CCR3: variants seen among roughly 807,000 people sequenced by gnomAD.
The protein encoded by CCR3 is C-C chemokine receptor type 3.
For synonymous variants in CCR3, 203 were observed against 179.2 expected (o/e 1.13, Z -1.06); for missense variants, 419 against 437.5 (o/e 0.96, Z 0.38).
chr3:46,220,748 A>G lies in CCR3; in HGVS notation c.-68+9841A>G, dbSNP rs116193679. Among the ~76,000 whole-genome samples the G allele has an allele frequency of 7.2e-3, 1,096 of 152,354 alleles. 11 individuals are homozygous for G. The highest frequency in any genetic ancestry group is 0.024 in the African/African-American group (1,001 of 41,582). On this transcript the variant is annotated intron_variant, in intron 2 of 3. Coordinates refer to the CCR3 transcript ENST00000357422. Reference sequence around the variant, plus strand: ...ACCATTATTCCAAGTGAAGTAACTCAGGAGTGGAAAACCAAACATCCTATG... The same window carrying G: ...ACCATTATTCCAAGTGAAGTAACTCGGGAGTGGAAAACCAAACATCCTATG...
chr3:46,264,275 G>A (rs1397167561), intron 1 of CCR3: 2 of 762,228 alleles, frequency 2.6e-6, no homozygotes, highest in Non-Finnish European at 2.2e-6. Flanking sequence ...ATCACCAGGG[G>A]CAAGAAAAGG....
chr3:46,245,527 C>A (rs563526688), intron 1 of CCR3, among the ~76,000 whole-genome samples: 1 of 151,582 alleles, frequency 6.6e-6, no homozygotes, highest in African/African-American at 2.4e-5. Context: ...CAAAACAAAA[C>A]CTAAAATGAA....
chr3:46,219,323 C>T (rs1036336645), intron 2 of CCR3, among the ~76,000 whole-genome samples: 7 of 152,000 alleles, frequency 4.6e-5, no homozygotes, highest in South Asian at 2.1e-4. Flanking sequence ...CACTGCTGAA[C>T]GAAATCATAG....
At position 46,266,284 on chromosome 3, in the gene CCR3, A is replaced by C; in HGVS notation, c.*58A>C. 9.0e-7 allele frequency: 1 copy of C among 1,109,176 alleles called. No individual in the cohort carries two copies. The highest frequency in any genetic ancestry group is 1.3e-6 in the Non-Finnish European group (1 of 752,098). 68.7% of individuals were successfully genotyped at this position (1,109,176 alleles called of 1,614,324 possible). On this transcript the variant is annotated 3_prime_UTR_variant, in exon 2 of 2. Transcript: ENST00000395940. ...ACCAAGGAGATGAAGCAAACACATT[A>C]AGCCTTCCACACTCACCTCTAAAAC...
chr3:46,266,014 A>G lies in CCR3; in HGVS notation c.856A>G (p.Thr286Ala). 4 of 1,614,054 alleles carry G rather than the reference A, an allele frequency of 2.5e-6. No homozygotes were observed. The highest frequency in any genetic ancestry group is 3.4e-6 in the Non-Finnish European group (4 of 1,179,996). Residue 286 changes from threonine to alanine, a missense_variant, in exon 2 of 2, where the codon ACA becomes GCA. Transcript: ENST00000395940. ...SKHLDLVMLVTEVIAYSHCCM... is the reference protein window; with the variant it reads ...SKHLDLVMLVAEVIAYSHCCM... ...GCATCTGGACCTGGTCATGCTGGTG[A>G]CAGAGGTGATCGCCTACTCCCACTG...
intron 1 of CCR3, among the ~76,000 whole-genome samples, chr3:46,254,176 A>G (rs1281041894): frequency 6.6e-6 from 1 of 152,234 alleles, no homozygotes; most frequent in Non-Finnish European, 1.5e-5. Context: ...GTCCTGATTT[A>G]TGTACCAAAA....
intron 1 of CCR3, among the ~76,000 whole-genome samples, chr3:46,245,956 G>A (rs192567220): frequency 2.0e-5 from 3 of 152,204 alleles, no homozygotes; most frequent in Admixed American, 1.3e-4. Context: ...TCATTGATGG[G>A]CATTTAGTTT....
At chr3:46,254,989 T>C (rs905164156) in intron 1 of CCR3, among the ~76,000 whole-genome samples, 7 of 152,288 alleles carry the variant, frequency 4.6e-5, no homozygotes, top group South Asian at 4.1e-4. Flanking sequence ...TTGTTTTCCA[T>C]AGGGGTTGTA....
chr3:46,257,686 C>T (rs1700454625), intron 1 of CCR3, among the ~76,000 whole-genome samples: 1 of 152,026 alleles, frequency 6.6e-6, no homozygotes, highest in African/African-American at 2.4e-5. Context: ...TCTGGGTTCT[C>T]CAGAGACAGA....
intron 2 of CCR3, among the ~76,000 whole-genome samples, chr3:46,226,959 C>G (rs1699906751): frequency 6.6e-6 from 1 of 151,986 alleles, no homozygotes; most frequent in Non-Finnish European, 1.5e-5. Context: ...GCAACCTCTG[C>G]TGCCCAGGTT....
intron 2 of CCR3, among the ~76,000 whole-genome samples, chr3:46,224,734 C>CA (rs901561258): frequency 0.18 from 8,189 of 46,774 alleles, 672 homozygotes; most frequent in Non-Finnish European, 0.21. Flanking sequence ...AAGACTCTGT[C>CA]AAAAAAAAAA....
chr3:46,235,877 A>G (rs1040889421), intron 2 of CCR3, among the ~76,000 whole-genome samples: 9 of 152,140 alleles, frequency 5.9e-5, no homozygotes, highest in African/African-American at 1.9e-4. Flanking sequence ...ACGCACATCA[A>G]ATACTCTTCC....
At chr3:46,232,583 C>A (rs1699977577) in intron 2 of CCR3, among the ~76,000 whole-genome samples, 2 of 152,178 alleles carry the variant, frequency 1.3e-5, no homozygotes, top group Admixed American at 1.3e-4. Context: ...TCAGAGCCTG[C>A]AGAGGGGTCT....
chr3:46,211,045 TA>T (rs1282423459), intron 2 of CCR3: 2 of 152,134 alleles, frequency 1.3e-5, no homozygotes. Context: ...TTTAATATGT[TA>T]AAAAATCTGA....
At chr3:46,251,681 G>A (rs1052293081) in intron 1 of CCR3, among the ~76,000 whole-genome samples, 1 of 152,158 alleles carries the variant, frequency 6.6e-6, no homozygotes, top group Non-Finnish European at 1.5e-5. Flanking sequence ...TCACCTGAGT[G>A]CAGGCGGGCT....
At position 46,266,186 on chromosome 3, in the gene CCR3, C is replaced by T. The variant is rs777044791; in HGVS notation, c.1028C>T (p.Ser343Phe). ...SEKLERTSSV[S>F]PSTAEPELSI... ...AAGCTGGAAAGAACCAGCTCTGTCT[C>T]TCCATCCACAGCAGAGCCGGAACTC... is the stretch of plus-strand genomic sequence containing the variant. The change falls in exon 2 of 2, where the codon TCT (serine) becomes TTT (phenylalanine). Residue 343 changes from serine to phenylalanine, a missense_variant. By Grantham distance (155) the Ser-to-Phe change is radical. Transcript: ENST00000395940. The T allele has an allele frequency of 2.2e-5, 35 of 1,613,838 alleles. No individual in the cohort carries two copies. In the East Asian group the frequency reaches 7.6e-4, roughly 35 times the overall value.
At chr3:46,242,731 T>C (rs1213527191) in intron 1 of CCR3, among the ~76,000 whole-genome samples, 193 bp downstream of exon 1, 1 of 151,750 alleles carries the variant, frequency 6.6e-6, no homozygotes, top group Non-Finnish European at 1.5e-5. Context: ...CTTTTTCTAA[T>C]TTTCCCTTTC....
At chr3:46,216,518 GATC>G (rs1462843741) in intron 2 of CCR3, among the ~76,000 whole-genome samples, 1 of 152,168 alleles carries the variant, frequency 6.6e-6, no homozygotes, top group Non-Finnish European at 1.5e-5. Flanking sequence ...ATCACAAAAA[GATC>G]ATCATCTAGG....
chr3:46,223,936 G>A (rs564378693), intron 2 of CCR3, among the ~76,000 whole-genome samples: 7 of 152,246 alleles, frequency 4.6e-5, no homozygotes, highest in South Asian at 2.1e-4. Context: ...AGTCTCCATC[G>A]GGTGTGATCA....
Sources: gnomAD v4.1 joint callset for allele counts (sites outside exome capture counted in the v4.1 genomes callset) on GRCh38, gnomAD v4.1.1 for gene constraint, MANE v1.5 for transcripts, NCBI Gene and HGNC (gene_info 2026-07-23, HGNC 2026-07-21) for gene names.